RAB11FIP1: variants seen among roughly 807,000 people sequenced by gnomAD.
RAB11FIP1 encodes the protein rab11 family-interacting protein 1.
RAB11FIP1 carries 49 observed loss-of-function variants against 83.1 expected under a neutral mutation model. That is an observed-to-expected ratio of 0.59 (90% CI 0.47 to 0.75). The LOEUF (loss-of-function observed/expected upper bound fraction) is 0.75. Among genes scored for constraint, RAB11FIP1 ranks in the 30% least tolerant of loss-of-function variants. The pLI, the probability that RAB11FIP1 is intolerant of heterozygous loss-of-function variation, is 0.00. For synonymous variants in RAB11FIP1, 670 were observed against 656.0 expected (o/e 1.02, Z -0.33); for missense variants, 1,536 against 1,598.7 (o/e 0.96, Z 0.67).
chr8:37,881,567 C>G (rs1806734110), intron 1 of RAB11FIP1, among the ~76,000 whole-genome samples: 1 of 152,152 alleles, frequency 6.6e-6, no homozygotes, highest in African/African-American at 2.4e-5. Context: ...CAAAATACAG[C>G]AAGGAGAGGA....
chr8:37,892,838 C>T (rs533068055), intron 1 of RAB11FIP1, among the ~76,000 whole-genome samples: 10 of 152,262 alleles, frequency 6.6e-5, no homozygotes, highest in African/African-American at 2.2e-4. Context: ...GCCCCCACTT[C>T]CCAGGTATTC....
rs769711555 is a variant in RAB11FIP1 at position 37,872,261 on chromosome 8, G to T, written c.2541C>A (p.Asn847Lys). ...ACTCAGGAGGCTCTCCGTCAGACGC[G>T]TTTCCAGCAACAGACCATGCAGGGT... ...ELNPAWSVAG[N>K]ASDGEPPESP... The change falls in exon 4 of 6, where the codon AAC becomes AAA. Residue 847 changes from asparagine to lysine, a missense_variant. Physicochemically the swap from Asn to Lys is moderately conservative, Grantham distance 94. Transcript: ENST00000330843. 1.9e-6 allele frequency: 3 copies of T among 1,613,954 alleles called. No individual in the cohort carries two copies. The South Asian group carries it at 3.3e-5, about 18-fold the overall frequency.
rs983105976 is a variant in RAB11FIP1, at chr8:37,877,017, C to T, written c.814+92G>A. On this transcript the variant is annotated intron_variant, in intron 2 of 5. Coordinates refer to ENST00000330843, the MANE Select transcript of RAB11FIP1 (RefSeq NM_001002814.3). ...TGTAATTGAGGAATTGAATTAAACT[C>T]TTTCTCTTGAGATTTGTCTGTTTCT... 3.0e-5 allele frequency: 29 copies of T among 966,678 alleles called. No individual in the cohort carries two copies. In the East Asian group the frequency reaches 6.9e-4, roughly 23 times the overall value. 59.9% of individuals were successfully genotyped at this position (966,678 alleles called of 1,614,324 possible).
intron 5 of RAB11FIP1, among the ~76,000 whole-genome samples, chr8:37,868,054 T>A (rs1439156576): frequency 6.6e-6 from 1 of 152,164 alleles, no homozygotes; most frequent in Non-Finnish European, 1.5e-5. Flanking sequence ...GAGGCTGCGA[T>A]GAGCTATGAT....
At chr8:37,871,218 G>T in intron 4 of RAB11FIP1, 60 bp downstream of exon 4, 1 of 1,535,354 alleles carries the variant, frequency 6.5e-7, no homozygotes. Context: ...AACCTCTGCA[G>T]GTAGGAAGCA....
Position 37,872,585 on chromosome 8 carries a change from G to T in RAB11FIP1, c.2217C>A (p.Ser739Arg). The change falls in exon 4 of 6, where the codon AGC becomes AGA. Residue 739 changes from serine to arginine, a missense_variant. By Grantham distance (110) the Ser-to-Arg change is moderately radical (BLOSUM62 -1). Transcript: ENST00000330843. Reference sequence around the variant, plus strand: ...CTCCTGCTGCAAGCTCCCCAACAGGGCTCACAGCTCCATCACTGCTGAGTG... The same window carrying T: ...CTCCTGCTGCAAGCTCCCCAACAGGTCTCACAGCTCCATCACTGCTGAGTG... ...ALSLSSDGAV[S>R]PVGELAAGGD... is the part of the protein sequence containing the mutation. 6.2e-7 allele frequency: 1 copy of T among 1,614,192 alleles called. No homozygotes were observed. The highest frequency in any genetic ancestry group is 8.5e-7 in the Non-Finnish European group (1 of 1,180,036).
intron 5 of RAB11FIP1, among the ~76,000 whole-genome samples, chr8:37,864,715 C>T (rs1479766355): frequency 6.6e-6 from 1 of 152,198 alleles, no homozygotes; most frequent in East Asian, 1.9e-4. Context: ...ACACAGGCTG[C>T]ACATTTAGAG....
intron 1 of RAB11FIP1, among the ~76,000 whole-genome samples, chr8:37,897,355 G>A (rs897809354): frequency 1.3e-5 from 2 of 151,362 alleles, no homozygotes; most frequent in African/African-American, 4.9e-5. Flanking sequence ...AAAAGGCTAT[G>A]TATATCTAAA....
At chr8:37,868,088 C>T (rs1419931516) in intron 5 of RAB11FIP1, among the ~76,000 whole-genome samples, 2 of 151,904 alleles carry the variant, frequency 1.3e-5, no homozygotes, top group East Asian at 1.9e-4. Context: ...AGCCATTGCC[C>T]GCCAGCCTAG....
intron 5 of RAB11FIP1, among the ~76,000 whole-genome samples, chr8:37,865,585 G>A (rs577999398): frequency 2.0e-5 from 3 of 152,278 alleles, no homozygotes; most frequent in Admixed American, 6.5e-5. Context: ...CTCCCAAAGT[G>A]CTGGGATTAC....
chr8:37,875,957 G>A (rs1041415042), intron 2 of RAB11FIP1, among the ~76,000 whole-genome samples: 4 of 152,130 alleles, frequency 2.6e-5, no homozygotes, highest in African/African-American at 9.7e-5. Flanking sequence ...CACTTTGGGA[G>A]GCCAAGGCAG....
At position 37,871,943 on chromosome 8, in the gene RAB11FIP1, G is replaced by C; in HGVS notation, c.2859C>G (p.Ala953=). 6.2e-7 allele frequency: 1 copy of C among 1,614,160 alleles called. No individual in the cohort carries two copies. The highest frequency in any genetic ancestry group is 8.5e-7 in the Non-Finnish European group (1 of 1,180,020). The change falls in exon 4 of 6, where the codon GCC becomes GCG. Residue 953 remains alanine, a synonymous_variant. Coordinates refer to ENST00000330843, the MANE Select transcript of RAB11FIP1 (RefSeq NM_001002814.3). ...LVSDFKSPIM[A]DLNLSLPSIP... ...TGGAAGGAAGGCTTAAGTTCAGATC[G>C]GCCATGATTGGAGATTTAAAATCTG...
At chr8:37,879,621 G>A (rs1806695357) in intron 1 of RAB11FIP1, among the ~76,000 whole-genome samples, 2 of 152,102 alleles carry the variant, frequency 1.3e-5, no homozygotes, top group South Asian at 2.1e-4. Flanking sequence ...AGTGGCTCAC[G>A]CCCGTAATCC....
chr8:37,874,650 G>A lies in RAB11FIP1; in HGVS notation c.1487C>T (p.Ser496Phe). The change falls in exon 3 of 6, where the codon TCC becomes TTC. Residue 496 changes from serine (S) to phenylalanine (F), a missense_variant. Coordinates refer to ENST00000330843, the MANE Select transcript of RAB11FIP1 (RefSeq NM_001002814.3). ...GAGGTTCAGGGAGCTGCCCTGTCTG[G>A]AGACAACAGCTGCAGTATCTTTCTC... Reference protein sequence around the residue: ...RSEKDTAAVVSRQGSSLNLFE... With the variant: ...RSEKDTAAVVFRQGSSLNLFE... 1 of 1,614,170 alleles carries A rather than the reference G, an allele frequency of 6.2e-7. No homozygotes were observed. The highest frequency in any genetic ancestry group is 8.5e-7 in the Non-Finnish European group (1 of 1,180,026).
Position 37,872,645 on chromosome 8 carries a change from T to C in RAB11FIP1, c.2157A>G (p.Ser719=). Residue 719 remains serine, a synonymous_variant, in exon 4 of 6, where the codon TCA becomes TCG. Coordinates refer to ENST00000330843, the MANE Select transcript of RAB11FIP1 (RefSeq NM_001002814.3). ...FPCKKQDYSP[S]SGEAQEVPFA... is the part of the protein sequence containing the mutation. ...ACGGTACTTCCTGGGCTTCTCCAGATGATGGGCTGTAGTCTTGTTTTTTGC... is the reference window on the plus strand; with the variant it reads ...ACGGTACTTCCTGGGCTTCTCCAGACGATGGGCTGTAGTCTTGTTTTTTGC... 2 of 1,614,228 alleles carry C rather than the reference T, an allele frequency of 1.2e-6. No homozygotes were observed. Among genetic ancestry groups the C allele is most frequent in the Non-Finnish European group, 1.7e-6 (2 of 1,180,046 alleles).
In RAB11FIP1 at chr8:37,873,327, G is replaced by A. The variant is rs754207190; in HGVS notation, c.1623-148C>T. 53 of 871,794 alleles carry A rather than the reference G, an allele frequency of 6.1e-5. 1 individual carries two copies. The highest frequency in any genetic ancestry group is 3.6e-4 in the Middle Eastern group (1 of 2,810). 54.0% of individuals were successfully genotyped at this position (871,794 alleles called of 1,614,324 possible). On this transcript the variant is annotated intron_variant, in intron 3 of 5. Coordinates refer to ENST00000330843, the MANE Select transcript of RAB11FIP1 (RefSeq NM_001002814.3). ...AGAAGTTAAAAAAGGAACGCTAGCC[G>A]GGCGCGGTGGCTCACGCCTGTAATC...
chr8:37,884,555 T>C (rs1012466680), intron 1 of RAB11FIP1, among the ~76,000 whole-genome samples: 1 of 151,576 alleles, frequency 6.6e-6, no homozygotes, highest in Non-Finnish European at 1.5e-5. Context: ...ACCCAACTAG[T>C]TGTTGTTGTT....
At position 37,864,476 on chromosome 8, in the gene RAB11FIP1, C is replaced by T. The variant is rs796652654; in HGVS notation, c.3634-1363G>A. Reference sequence around the variant, plus strand: ...CCCTGAGGGTCTAACGGTTTCACTGCCTACCAGGAAGGCCAAGAGACTACC... The same window carrying T: ...CCCTGAGGGTCTAACGGTTTCACTGTCTACCAGGAAGGCCAAGAGACTACC... On this transcript the variant is annotated intron_variant, in intron 5 of 5. Coordinates refer to ENST00000330843, the MANE Select transcript of RAB11FIP1 (RefSeq NM_001002814.3). Among the ~76,000 whole-genome samples the T allele has an allele frequency of 4.6e-5, 7 of 152,312 alleles. 1 individual carries two copies. The highest frequency in any genetic ancestry group is 1.2e-4 in the African/African-American group (5 of 41,578).
chr8:37,871,629 T>C lies in RAB11FIP1; in HGVS notation c.3173A>G (p.Lys1058Arg), dbSNP rs1373072302. 13 of 1,607,172 alleles carry C rather than the reference T, an allele frequency of 8.1e-6. No individual in the cohort carries two copies. The highest frequency in any genetic ancestry group is 9.4e-6 in the Non-Finnish European group (11 of 1,174,736). The change falls in exon 4 of 6, where the codon AAG becomes AGG. Residue 1058 changes from lysine to arginine, a missense_variant. Lys to Arg is a conservative substitution (Grantham distance 26). Transcript: ENST00000330843. ...EFGIHKPHLGKSSSLDKQLPG... is the reference protein window; with the variant it reads ...EFGIHKPHLGRSSSLDKQLPG... ...CAGCTGTTTATCCAAGCTTGAGCTC[T>C]TGCCAAGATGTGGTTTGTGAATTCC...
Sources: gnomAD v4.1 joint callset for allele counts (sites outside exome capture counted in the v4.1 genomes callset) on GRCh38, gnomAD v4.1.1 for gene constraint, MANE v1.5 for transcripts, NCBI Gene and HGNC (gene_info 2026-07-23, HGNC 2026-07-21) for gene names.